Variants in PTCH1 observed in about 807,000 individuals in gnomAD.
PTCH1 encodes the protein protein patched homolog 1.
In PTCH1, 14 loss-of-function variants were observed where a neutral mutation model predicts 144.6. The ratio of observed to expected loss-of-function variants is 0.10; its 90% confidence interval spans 0.06 to 0.15. The LOEUF is 0.15. PTCH1 is among the 10% of genes least tolerant of loss of function. The probability of loss-of-function intolerance (pLI) is 1.00; values close to 1 mark genes in which losing one functional copy is unlikely to be tolerated. For synonymous variants in PTCH1, 833 were observed against 793.6 expected, an observed-to-expected ratio of 1.05 and a Z score of -0.83; for missense variants, 1,623 against 1,948.3, an observed-to-expected ratio of 0.83 and a Z score of 3.14.
chr9:95,510,182 T>C (rs3758301), upstream of PTCH1, among the ~76,000 whole-genome samples: 29,810 of 152,194 alleles, frequency 0.2, 3,179 homozygotes, highest in Non-Finnish European at 0.23. Flanking sequence ...ATTGTTTCCT[T>C]GAGAGAGTAA....
At chr9:95,497,711 A>G (rs1335004953) in intron 2 of PTCH1, among the ~76,000 whole-genome samples, 1 of 152,146 alleles carries the variant, frequency 6.6e-6, no homozygotes, top group African/African-American at 2.4e-5. Context: ...TTATAAACTT[A>G]TCTGACCCAA....
At position 95,516,759 on chromosome 9, in the gene PTCH1, G is replaced by A. The variant is rs577379968; in HGVS notation, c.-288C>T. On this transcript the variant is annotated 5_prime_UTR_variant, in exon 1 of 23. Transcript: ENST00000430669. Reference sequence around the variant, plus strand: ...ACCCCGGCGCGCTGGGCCGCCGGAGGCTTTCGGCGGAGTGCAGCGCGGACT... The same window carrying A: ...ACCCCGGCGCGCTGGGCCGCCGGAGACTTTCGGCGGAGTGCAGCGCGGACT... The A allele has an allele frequency of 1.9e-6, 3 of 1,613,382 alleles. No individual in the cohort carries two copies. The South Asian group carries it at 3.3e-5, about 18-fold the overall frequency.
intron 2 of PTCH1, among the ~76,000 whole-genome samples, chr9:95,497,098 G>A (rs531440291): frequency 4.6e-5 from 7 of 152,292 alleles, no homozygotes; most frequent in African/African-American, 1.7e-4. Flanking sequence ...TCTTAATCAG[G>A]AGAATATTGG....
At chr9:95,485,641 G>T (rs781012061) in intron 3 of PTCH1, 44 bp downstream of exon 3, 6 of 1,611,220 alleles carry the variant, frequency 3.7e-6, no homozygotes, top group East Asian at 2.2e-5. Context: ...TTCTCCCACC[G>T]CCTTACCTGC....
Position 95,447,430 on chromosome 9 carries a change from G to T in PTCH1, c.3826C>A (p.His1276Asn). 6.3e-7 allele frequency: 1 copy of T among 1,596,226 alleles called. No individual in the cohort carries two copies. ...HSTVVHPESRHHPPSNPRQQP... is the reference protein window; with the variant it reads ...HSTVVHPESRNHPPSNPRQQP... ...TGTCTCGGGTTCGAGGGTGGGTGAT[G>T]CCTGGATTCGGGATGGACCACCTGC... The change falls in exon 23 of 24, where the codon CAT becomes AAT. Residue 1276 changes from histidine (H) to asparagine (N), a missense_variant. Transcript: ENST00000331920.
At chr9:95,470,313 C>T (rs989159330) in intron 12 of PTCH1, among the ~76,000 whole-genome samples, 29 of 152,132 alleles carry the variant, frequency 1.9e-4, no homozygotes, top group African/African-American at 5.6e-4. Flanking sequence ...AGAGGTCACG[C>T]GACCCTGATT....
intron 1 of PTCH1, among the ~76,000 whole-genome samples, chr9:95,515,606 G>C (rs568718480): frequency 6.6e-6 from 1 of 152,328 alleles, no homozygotes; most frequent in South Asian, 2.1e-4. Flanking sequence ...GTTCAGCGCT[G>C]GGCCCGGGCC....
chr9:95,480,761 A>G (rs1023615638), intron 5 of PTCH1, among the ~76,000 whole-genome samples, 173 bp from the exon 6 acceptor site: 7 of 152,194 alleles, frequency 4.6e-5, no homozygotes, highest in African/African-American at 1.7e-4. Flanking sequence ...ATAAAAACTT[A>G]GGTCAGGAAA....
intron 2 of PTCH1, among the ~76,000 whole-genome samples, chr9:95,491,480 AG>A (rs1461301365): frequency 6.6e-6 from 1 of 152,222 alleles, no homozygotes; most frequent in Non-Finnish European, 1.5e-5. Flanking sequence ...CCAAGAGCGG[AG>A]CAAGTGTCAG....
intron 19 of PTCH1, among the ~76,000 whole-genome samples, chr9:95,454,128 G>T (rs562278443): frequency 1.3e-5 from 2 of 152,222 alleles, no homozygotes; most frequent in Admixed American, 6.5e-5. Flanking sequence ...TGAGTGTATT[G>T]CAAGAAATAC....
At chr9:95,474,976 A>G (rs1035288858) in intron 12 of PTCH1, among the ~76,000 whole-genome samples, 2 of 152,174 alleles carry the variant, frequency 1.3e-5, no homozygotes, top group African/African-American at 4.8e-5. Context: ...CATCACAGAG[A>G]AAGAAAGGGG....
chr9:95,498,845 C>A (rs1842956591), intron 2 of PTCH1, among the ~76,000 whole-genome samples: 1 of 152,180 alleles, frequency 6.6e-6, no homozygotes, highest in Non-Finnish European at 1.5e-5. Flanking sequence ...ACCAGCAAGG[C>A]CCTCTGGTCT....
chr9:95,471,141 T>G (rs1840541115), intron 12 of PTCH1, among the ~76,000 whole-genome samples: 1 of 151,806 alleles, frequency 6.6e-6, no homozygotes, highest in South Asian at 2.1e-4. Context: ...CTCAAAGAAC[T>G]GCTTAGTTCA....
At chr9:95,506,657 C>T (rs1037606102) in intron 1 of PTCH1, 58 bp from the exon 2 acceptor site, 8 of 1,444,354 alleles carry the variant, frequency 5.5e-6, no homozygotes, top group Non-Finnish European at 7.3e-6. Flanking sequence ...CGCGCGCCCA[C>T]GCCCGCTTGC....
chr9:95,483,343 G>A (rs1480269203), intron 3 of PTCH1: 3 of 150,572 alleles, frequency 2.0e-5, no homozygotes, highest in African/African-American at 7.3e-5. Context: ...AGGTGTGTTA[G>A]GGAGATCAGT....
intron 18 of PTCH1, 30 bp from the exon 19 acceptor site, chr9:95,456,443 C>A (rs368052893): frequency 1.9e-6 from 3 of 1,611,446 alleles, no homozygotes; most frequent in South Asian, 2.2e-5. Context: ...GGTCAGTGGG[C>A]GGGCAGGTCA....
At chr9:95,503,489 T>C (rs1843293913) in intron 2 of PTCH1, 1 of 152,216 alleles carries the variant, frequency 6.6e-6, no homozygotes, top group Non-Finnish European at 1.5e-5. Context: ...GTCACCTCTC[T>C]AGTTGGGTCT....
At chr9:95,492,441 T>G (rs1463239434) in intron 2 of PTCH1, among the ~76,000 whole-genome samples, 1 of 152,222 alleles carries the variant, frequency 6.6e-6, no homozygotes, top group Admixed American at 6.5e-5. Flanking sequence ...CATGGGTGGC[T>G]GAGATAGTGA....
chr9:95,506,682 T>C (rs1394034230), intron 1 of PTCH1, 83 bp from the exon 2 acceptor site: 126 of 1,339,164 alleles, frequency 9.4e-5, no homozygotes, highest in East Asian at 1.2e-4. Flanking sequence ...ACCCGCCCGG[T>C]GAGCCCCCAA....
Sources: gnomAD v4.1 joint callset for allele counts (sites outside exome capture counted in the v4.1 genomes callset) on GRCh38, gnomAD v4.1.1 for gene constraint, MANE v1.5 for transcripts, NCBI Gene and HGNC (gene_info 2026-07-23, HGNC 2026-07-21) for gene names.